Variants in LSAMP observed in about 807,000 individuals in gnomAD.
LSAMP encodes the protein limbic system-associated membrane protein.
Under a neutral mutation model 38.6 loss-of-function variants are expected in LSAMP, and 7 were observed. The ratio of observed to expected loss-of-function variants is 0.18; its 90% CI spans 0.10 to 0.34. LSAMP has a LOEUF of 0.34. Ranked by LOEUF, LSAMP falls within the 10% of genes least tolerant of loss-of-function variation. The pLI, the probability that LSAMP is intolerant of heterozygous loss-of-function variation, is 1.00. For synonymous variants in LSAMP, 154 were observed against 166.8 expected, an observed-to-expected ratio of 0.92 and a Z score of 0.59; for missense variants, 313 against 420.0, an observed-to-expected ratio of 0.75 and a Z score of 2.23.
chr3:116,022,336 C>T (rs1940663017), intron 2 of LSAMP, among the ~76,000 whole-genome samples: 1 of 150,746 alleles, frequency 6.6e-6, no homozygotes, highest in Admixed American at 6.6e-5. Flanking sequence ...TATTTACTTT[C>T]AATCTCTCTT....
chr3:116,150,893 T>C (rs1454044592), intron 1 of LSAMP, among the ~76,000 whole-genome samples: 4 of 84,946 alleles, frequency 4.7e-5, no homozygotes, highest in Admixed American at 1.5e-4. Context: ...AAATATATTA[T>C]AGAAATGTCA....
At chr3:116,137,077 C>T (rs1318261929) in intron 1 of LSAMP, among the ~76,000 whole-genome samples, 1 of 152,096 alleles carries the variant, frequency 6.6e-6, no homozygotes, top group Non-Finnish European at 1.5e-5. Context: ...CCTTGGTGTT[C>T]CTGGTGTACA....
At chr3:116,105,364 C>A (rs111443088) in intron 1 of LSAMP, among the ~76,000 whole-genome samples, 144 of 152,230 alleles carry the variant, frequency 9.5e-4, no homozygotes, top group Non-Finnish European at 1.9e-3. Context: ...CACTTTCATG[C>A]GCGTCCGTGT....
At chr3:116,108,810 C>T (rs56121547) in intron 1 of LSAMP, among the ~76,000 whole-genome samples, 24,817 of 150,472 alleles carry the variant, frequency 0.16, 2,115 homozygotes, top group Non-Finnish European at 0.19. Context: ...TCTGGAGGAA[C>T]GCCTGGCCGC....
chr3:116,359,196 T>C (rs998673728), intron 1 of LSAMP, among the ~76,000 whole-genome samples: 7 of 152,350 alleles, frequency 4.6e-5, no homozygotes, highest in Admixed American at 6.5e-5. Flanking sequence ...ACATTTGTAC[T>C]ATGTGTATAA....
chr3:116,292,653 T>A (rs2047283262), intron 1 of LSAMP, among the ~76,000 whole-genome samples: 1 of 152,184 alleles, frequency 6.6e-6, no homozygotes. Context: ...TTCAACTCAG[T>A]GTACTTGATC....
At chr3:116,079,821 A>AATATATAT (rs1213700626) in intron 2 of LSAMP, among the ~76,000 whole-genome samples, 1 of 151,928 alleles carries the variant, frequency 6.6e-6, no homozygotes, top group African/African-American at 2.4e-5. Flanking sequence ...CTATATATTA[A>AATATATAT]ATATATATAT....
intron 1 of LSAMP, chr3:116,367,861 T>C (rs1255127382): frequency 6.6e-6 from 1 of 152,074 alleles, no homozygotes; most frequent in Non-Finnish European, 1.5e-5. Context: ...AAAAAAACTT[T>C]ACAAGAAATC....
intron 3 of LSAMP, among the ~76,000 whole-genome samples, chr3:115,930,800 C>A (rs927381534): frequency 1.3e-5 from 2 of 152,108 alleles, no homozygotes; most frequent in Admixed American, 1.3e-4. Flanking sequence ...GGTTCCTCTG[C>A]CTAACACCCT....
At chr3:116,176,334 T>G (rs1384797296) in intron 1 of LSAMP, among the ~76,000 whole-genome samples, 2 of 152,096 alleles carry the variant, frequency 1.3e-5, no homozygotes, top group African/African-American at 4.8e-5. Context: ...AGGGAAATTT[T>G]AAGTACAGTA....
At chr3:116,392,536 C>T (rs2107814673) in intron 1 of LSAMP, among the ~76,000 whole-genome samples, 1 of 152,366 alleles carries the variant, frequency 6.6e-6, no homozygotes. Context: ...TGAGGCGGTG[C>T]TGAGGACAGC....
intron 3 of LSAMP, among the ~76,000 whole-genome samples, chr3:115,905,341 A>C (rs1936982011): frequency 6.6e-6 from 1 of 152,074 alleles, no homozygotes; most frequent in African/African-American, 2.4e-5. Flanking sequence ...CTAATATGAG[A>C]TACCGATGAT....
chr3:116,190,509 C>T (rs919495112), intron 1 of LSAMP, among the ~76,000 whole-genome samples: 8 of 151,888 alleles, frequency 5.3e-5, no homozygotes, highest in African/African-American at 1.9e-4. Context: ...GATAAACAAA[C>T]AGTGTGTATC....
intron 1 of LSAMP, among the ~76,000 whole-genome samples, chr3:116,352,570 T>C (rs1228903351): frequency 1.3e-5 from 2 of 152,108 alleles, no homozygotes; most frequent in African/African-American, 2.4e-5. Context: ...TGTGCTCTAA[T>C]GTGGAAATAG....
chr3:115,830,458 A>G (rs766269826), intron 6 of LSAMP, among the ~76,000 whole-genome samples: 3 of 152,314 alleles, frequency 2.0e-5, no homozygotes, highest in African/African-American at 4.8e-5. Flanking sequence ...CCTGGGTGCA[A>G]TAAGGGGTAG....
chr3:116,003,855 G>T (rs1163809627), intron 3 of LSAMP, among the ~76,000 whole-genome samples: 4 of 152,144 alleles, frequency 2.6e-5, no homozygotes, highest in Middle Eastern at 3.2e-3. Flanking sequence ...AGGGAGTGTG[G>T]CCCTGCCAAT....
chr3:116,096,600 C>T (rs1420028022), intron 1 of LSAMP, among the ~76,000 whole-genome samples: 1 of 152,152 alleles, frequency 6.6e-6, no homozygotes, highest in Non-Finnish European at 1.5e-5. Flanking sequence ...TTTGGGATAC[C>T]TGTGCATAGG....
In LSAMP at chr3:116,101,901, A is replaced by C. The variant is rs1347698728; in HGVS notation, c.156-15345T>G. On this transcript the variant is annotated intron_variant, in intron 1 of 6. Coordinates refer to ENST00000490035, the MANE Select transcript of LSAMP (RefSeq NM_002338.5). The stretch of plus-strand genomic sequence containing the variant: ...GGCTTATATTTAAGGATCCCAATAA[A>C]TATTTTTTAATCCATACTCAATGTC... Among the ~76,000 whole-genome samples, 4 of 152,042 alleles carry C rather than the reference A, an allele frequency of 2.6e-5. No individual in the cohort carries two copies. The East Asian group carries it at 7.7e-4, about 29-fold the overall frequency.
chr3:116,276,532 G>T (rs1332296484), intron 1 of LSAMP, among the ~76,000 whole-genome samples: 2 of 151,960 alleles, frequency 1.3e-5, no homozygotes, highest in African/African-American at 4.8e-5. Context: ...AGGGAAGGGT[G>T]GGAGGGAGGC....
Sources: gnomAD v4.1 joint callset for allele counts (sites outside exome capture counted in the v4.1 genomes callset) on GRCh38, gnomAD v4.1.1 for gene constraint, MANE v1.5 for transcripts, NCBI Gene and HGNC (gene_info 2026-07-23, HGNC 2026-07-21) for gene names.